Variants in CREBBP observed in about 807,000 individuals in gnomAD.
CREBBP encodes the protein CREB-binding protein.
A neutral mutation model predicts 265.0 loss-of-function variants in CREBBP; 19 were observed. That is an observed-to-expected ratio of 0.07 (90% CI 0.05 to 0.11). The LOEUF (loss-of-function observed/expected upper bound fraction) is 0.11. Among genes scored for constraint, CREBBP ranks in the 10% least tolerant of loss-of-function variants. The pLI, the probability that CREBBP is intolerant of heterozygous loss-of-function variation, is 1.00. For missense variants in CREBBP, 2,525 were observed against 3,219.0 expected (o/e 0.78, Z 5.22); for synonymous variants, 1,457 against 1,223.7 (o/e 1.19, Z -3.98).
chr16:3,772,989 T>G (rs1411693929), intron 13 of CREBBP, among the ~76,000 whole-genome samples: 1 of 151,006 alleles, frequency 6.6e-6, no homozygotes, highest in East Asian at 1.9e-4. Context: ...TTGGCAGGCT[T>G]AGGCAGGAGA....
Position 3,792,113 on chromosome 16 carries a change from C to T in CREBBP, c.1217-19G>A, listed in dbSNP as rs568683956. 4.5e-6 allele frequency: 7 copies of T among 1,571,752 alleles called. No individual in the cohort carries two copies. The highest frequency in any genetic ancestry group is 1.7e-4 in the Middle Eastern group (1 of 6,010). On this transcript the variant is annotated intron_variant, in intron 4 of 30. Coordinates refer to ENST00000262367, the MANE Select transcript of CREBBP (RefSeq NM_004380.3). ...TGGGCAACTATGACCAGAAAAACAA[C>T]GAGATGTTATTTTTCTATCCAAATC...
chr16:3,769,623 G>A (rs2052949715), intron 14 of CREBBP, among the ~76,000 whole-genome samples: 1 of 152,154 alleles, frequency 6.6e-6, no homozygotes, highest in South Asian at 2.1e-4. Context: ...TTTTCTCGAA[G>A]TTTTCTAGCT....
intron 2 of CREBBP, among the ~76,000 whole-genome samples, chr16:3,842,654 T>C (rs1261929075): frequency 6.6e-6 from 1 of 152,110 alleles, no homozygotes; most frequent in Non-Finnish European, 1.5e-5. Context: ...GTAAATATTT[T>C]CAGAGTCACA....
chr16:3,768,784 T>C (rs2052926573), intron 15 of CREBBP, among the ~76,000 whole-genome samples: 1 of 152,214 alleles, frequency 6.6e-6, no homozygotes, highest in Non-Finnish European at 1.5e-5. Context: ...CAAACACATT[T>C]AGAGGCTGGA....
intron 21 of CREBBP, among the ~76,000 whole-genome samples, chr16:3,749,370 G>C (rs1228254232): frequency 6.6e-6 from 1 of 152,118 alleles, no homozygotes; most frequent in South Asian, 2.1e-4. Flanking sequence ...CAAATTATTA[G>C]AGAGGTTCTC....
chr16:3,759,931 T>A (rs569585306), intron 16 of CREBBP, among the ~76,000 whole-genome samples: 3 of 152,232 alleles, frequency 2.0e-5, no homozygotes, highest in Admixed American at 2.0e-4. Context: ...CCAGGGAAGC[T>A]GTTCGGTGTG....
intron 1 of CREBBP, among the ~76,000 whole-genome samples, chr16:3,865,014 G>A (rs976329217): frequency 6.6e-6 from 1 of 152,096 alleles, no homozygotes; most frequent in Non-Finnish European, 1.5e-5. Context: ...AGCCAAGATC[G>A]TGCCAATGCA....
At position 3,856,420 on chromosome 16, in the gene CREBBP, A is replaced by G. The variant is rs1025482239; in HGVS notation, c.86-5411T>C. On this transcript the variant is annotated intron_variant, in intron 1 of 30. Coordinates refer to ENST00000262367, the MANE Select transcript of CREBBP (RefSeq NM_004380.3). ...GCTTCCGCCCTGCACCAAAACACCC[A>G]CCTGATTTTTGTACTGTTTTGGAGA... 2.6e-5 allele frequency among the ~76,000 whole-genome samples: 4 copies of G among 152,248 alleles called. No homozygotes were observed. The South Asian group carries it at 8.3e-4, about 32-fold the overall frequency.
At chr16:3,759,312 G>C (rs1290678388) in intron 16 of CREBBP, among the ~76,000 whole-genome samples, 2 of 152,112 alleles carry the variant, frequency 1.3e-5, no homozygotes, top group Non-Finnish European at 1.5e-5. Flanking sequence ...TTTCAGGCTG[G>C]GCATGGTGGC....
At chr16:3,782,009 A>T (rs989617498) in intron 6 of CREBBP, among the ~76,000 whole-genome samples, 4 of 152,218 alleles carry the variant, frequency 2.6e-5, no homozygotes, top group Non-Finnish European at 4.4e-5. Context: ...GAAAGAACAA[A>T]ACTAGCACAA....
At chr16:3,735,801 C>T (rs2052041166) in intron 28 of CREBBP, among the ~76,000 whole-genome samples, 1 of 152,208 alleles carries the variant, frequency 6.6e-6, no homozygotes, top group Admixed American at 6.5e-5. Context: ...GTCTTCCTCT[C>T]TTCCCTCTCC....
At chr16:3,769,456 A>G (rs2052945777) in intron 14 of CREBBP, 103 bp from the exon 15 acceptor site, 2 of 1,393,970 alleles carry the variant, frequency 1.4e-6, no homozygotes, top group Non-Finnish European at 2.0e-6. Flanking sequence ...ACATTTCTCA[A>G]TACTGATCCA....
chr16:3,787,789 C>T (rs893940269), intron 5 of CREBBP, among the ~76,000 whole-genome samples: 1 of 152,028 alleles, frequency 6.6e-6, no homozygotes, highest in African/African-American at 2.4e-5. Flanking sequence ...CAGCCTCCCA[C>T]CTCAGGATAC....
chr16:3,819,265 C>T (rs1418013510), intron 2 of CREBBP, among the ~76,000 whole-genome samples: 1 of 152,246 alleles, frequency 6.6e-6, no homozygotes, highest in Non-Finnish European at 1.5e-5. Context: ...TTTACTTAAA[C>T]CTCTCTGCAC....
Position 3,782,592 on chromosome 16 carries a change from A to G in CREBBP, c.1573+92T>C, listed in dbSNP as rs563356915. The G allele has an allele frequency of 1.8e-5, 28 of 1,527,450 alleles. No homozygotes were observed. In the South Asian group the frequency reaches 2.0e-4, roughly 11 times the overall value. 94.6% of individuals were successfully genotyped at this position (1,527,450 alleles called of 1,614,324 possible). ...TTCAACCACCGTAGTAAAAAACACA[A>G]AACAAACTGAAAACTGCCTTGGGTT... On this transcript the variant is annotated intron_variant, in intron 6 of 30. Coordinates refer to ENST00000262367, the MANE Select transcript of CREBBP (RefSeq NM_004380.3).
chr16:3,736,855 T>C (rs1813451264), intron 26 of CREBBP, 40 bp from the exon 27 acceptor site: 1 of 1,612,736 alleles, frequency 6.2e-7, no homozygotes, highest in African/African-American at 1.3e-5. Flanking sequence ...AACGTGCCAG[T>C]GAAATCGGCC....
intron 1 of CREBBP, among the ~76,000 whole-genome samples, chr16:3,854,053 C>G (rs1408420720): frequency 1.3e-5 from 2 of 152,262 alleles, no homozygotes; most frequent in South Asian, 4.1e-4. Flanking sequence ...CACCCAATAC[C>G]CCTGGCCCCA....
chr16:3,849,430 T>TGTGTGTGTGTG (rs2054752384), intron 2 of CREBBP, among the ~76,000 whole-genome samples: 6 of 8,582 alleles, frequency 7.0e-4, no homozygotes, highest in Admixed American at 3.3e-3. Flanking sequence ...TGTGTGTGTG[T>TGTGTGTGTGTG]GTGTGTGTGT....
chr16:3,745,593 TC>T (rs1345677016), intron 21 of CREBBP: 5 of 549,372 alleles, frequency 9.1e-6, no homozygotes, highest in Non-Finnish European at 6.5e-6. Context: ...TCTCCCAATC[TC>T]CCTTTGCAAC....
Sources: gnomAD v4.1 joint callset for allele counts (sites outside exome capture counted in the v4.1 genomes callset) on GRCh38, gnomAD v4.1.1 for gene constraint, MANE v1.5 for transcripts, NCBI Gene and HGNC (gene_info 2026-07-23, HGNC 2026-07-21) for gene names.